DNAJC30: variants seen among roughly 807,000 people sequenced by gnomAD.
The protein encoded by DNAJC30 is dnaJ homolog subfamily C member 30, mitochondrial.
In DNAJC30, 16 loss-of-function variants were observed where a neutral mutation model predicts 15.4. The ratio of observed to expected loss-of-function variants is 1.04; its 90% CI spans 0.70 to 1.58. The LOEUF is 1.58. Among genes scored for constraint, DNAJC30 ranks in the 40% most tolerant of loss-of-function variants. The pLI is 0.00. For missense variants in DNAJC30, 352 were observed against 320.9 expected (o/e 1.10, Z -0.74); for synonymous variants, 161 against 140.2 (o/e 1.15, Z -1.05).
In DNAJC30 at chr7:73,682,764, G is replaced by A. The variant is rs1797750208; in HGVS notation, c.660C>T (p.Ile220=). The part of the protein sequence containing the change: ...AAIFLIFSIF[I]IIGFYI The stretch of plus-strand genomic sequence containing the variant: ...CCGATTAAATATAAAAGCCGATGAT[G>A]ATGAAGATTGAAAAGATGAGGAAAA... The change falls in exon 1 of 1, where the codon ATC becomes ATT. Residue 220 remains isoleucine (I), a synonymous_variant. Coordinates refer to ENST00000395176, the MANE Select transcript of DNAJC30 (RefSeq NM_032317.3). The A allele has an allele frequency of 6.2e-7, 1 of 1,608,394 alleles. No individual in the cohort carries two copies. The highest frequency in any genetic ancestry group is 1.1e-5 in the South Asian group (1 of 90,986).
At position 73,683,441 on chromosome 7, in the gene DNAJC30, G is replaced by A. The variant is rs1554611897; in HGVS notation, c.-18C>T. Reference sequence around the variant, plus strand: ...GCTGCCATGTTGAATTGATTCGGCAGGCGGTGCAAGAGAAACCGGCCAATG... The same window carrying A: ...GCTGCCATGTTGAATTGATTCGGCAAGCGGTGCAAGAGAAACCGGCCAATG... On this transcript the variant is annotated 5_prime_UTR_variant, in exon 1 of 1. Transcript: ENST00000395176. 1 of 1,608,752 alleles carries A rather than the reference G, an allele frequency of 6.2e-7. No individual in the cohort carries two copies. Among genetic ancestry groups the A allele is most frequent in the Non-Finnish European group, 8.5e-7 (1 of 1,177,562 alleles).
Position 73,683,108 on chromosome 7 carries a change from G to C in DNAJC30, c.316C>G (p.Leu106Val), listed in dbSNP as rs138711754. ...AGGCCGCGATCATACTTGCGACGGA[G>C]GGTGGCACTGCCCAGCACCACGTAG... ...QAYVVLGSATLRRKYDRGLLS... is the reference protein window; with the variant it reads ...QAYVVLGSATVRRKYDRGLLS... Residue 106 changes from leucine to valine, a missense_variant, in exon 1 of 1, where the codon CTC (leucine) becomes GTC (valine). By Grantham distance (32) the Leu-to-Val change is conservative. Transcript: ENST00000395176. 1.9e-6 allele frequency: 3 copies of C among 1,612,370 alleles called. No individual in the cohort carries two copies. Among genetic ancestry groups the C allele is most frequent in the African/African-American group, 1.3e-5 (1 of 74,920 alleles).
In DNAJC30 at chr7:73,683,310, A is replaced by G. The variant is rs782527115; in HGVS notation, c.114T>C (p.Tyr38=). The G allele has an allele frequency of 1.2e-6, 2 of 1,613,906 alleles. No homozygotes were observed. The highest frequency in any genetic ancestry group is 1.7e-5 in the Admixed American group (1 of 60,032). The change falls in exon 1 of 1, where the codon TAT becomes TAC. Residue 38 remains tyrosine, a synonymous_variant. Coordinates refer to ENST00000395176, the MANE Select transcript of DNAJC30 (RefSeq NM_032317.3). The part of the protein sequence containing the change: ...APSLGLGART[Y]SQGDCSYSRT... ...GCGAATACGAGCAGTCGCCCTGGGA[A>G]TAAGTCCTCGCTCCTAGGCCCAGGC...
Position 73,682,987 on chromosome 7 carries a change from C to G in DNAJC30, c.437G>C (p.Arg146Pro). 6.3e-7 allele frequency: 1 copy of G among 1,599,154 alleles called. No individual in the cohort carries two copies. The highest frequency in any genetic ancestry group is 8.5e-7 in the Non-Finnish European group (1 of 1,170,736). ...GGAGGCCCGAGAACCGTCGTGGGTC[C>G]GAGAGGTGGGCGGCGGGGTACGCGG... ...GSPRTPPPTS[R>P]THDGSRASPG... Residue 146 changes from arginine to proline, a missense_variant, in exon 1 of 1, where the codon CGG becomes CCG. Physicochemically the swap from Arg to Pro is moderately radical, Grantham distance 103. Transcript: ENST00000395176.
rs1797708405 is a variant in DNAJC30, at chr7:73,681,430, A to G, written c.*1313T>C. ...AAGCCCCAAAATTTACCCCAGCCTC[A>G]AGCAGCCTTGTTTAAAAAATTAAGG... On this transcript the variant is annotated 3_prime_UTR_variant, in exon 1 of 1. Coordinates refer to ENST00000395176, the MANE Select transcript of DNAJC30 (RefSeq NM_032317.3). The G allele has an allele frequency of 6.6e-6, 1 of 152,256 alleles. No individual in the cohort carries two copies. Among genetic ancestry groups the G allele is most frequent in the South Asian group, 2.1e-4 (1 of 4,826 alleles). The allele number at this position is 152,256 out of a possible 1,614,324, so 9.4% of individuals were successfully genotyped here.
chr7:73,682,730 C>T lies in DNAJC30; in HGVS notation c.*13G>A. 1 of 1,593,700 alleles carries T rather than the reference C, an allele frequency of 6.3e-7. No homozygotes were observed. The highest frequency in any genetic ancestry group is 8.6e-7 in the Non-Finnish European group (1 of 1,167,314). On this transcript the variant is annotated 3_prime_UTR_variant, in exon 1 of 1. Transcript: ENST00000395176. Reference sequence around the variant, plus strand: ...GGTTGGCTGGGGACACTCCCCTTCCCTTCTCTCTCCGATTAAATATAAAAG... The same window carrying T: ...GGTTGGCTGGGGACACTCCCCTTCCTTTCTCTCTCCGATTAAATATAAAAG...
rs782286532 is a variant in DNAJC30, at chr7:73,683,076, G to A, written c.348C>T (p.Ser116=). The A allele has an allele frequency of 6.2e-7, 1 of 1,606,124 alleles. No individual in the cohort carries two copies. Residue 116 remains serine, a synonymous_variant, in exon 1 of 1, where the codon AGC becomes AGT. Transcript: ENST00000395176. ...CGCCAGGTCCGCGCAGGTCCTCGTC[G>A]CTGAGTAGGCCGCGATCATACTTGC... The part of the protein sequence containing the change: ...LRRKYDRGLL[S]DEDLRGPGVR...
chr7:73,681,663 T>G lies in DNAJC30; in HGVS notation c.*1080A>C, dbSNP rs1797713220. On this transcript the variant is annotated 3_prime_UTR_variant, in exon 1 of 1. Coordinates refer to ENST00000395176, the MANE Select transcript of DNAJC30 (RefSeq NM_032317.3). ...CTGTAATCCCTGTGGATTAGAACTATGGATAATAGGGCCGGGAGCAGTGGC... is the reference window on the plus strand; with the variant it reads ...CTGTAATCCCTGTGGATTAGAACTAGGGATAATAGGGCCGGGAGCAGTGGC... The G allele has an allele frequency of 6.6e-6, 1 of 152,224 alleles. No homozygotes were observed. The highest frequency in any genetic ancestry group is 1.5e-5 in the Non-Finnish European group (1 of 68,042). 9.4% of individuals were successfully genotyped at this position (152,224 alleles called of 1,614,324 possible).
rs1797779364 is a variant in DNAJC30 at position 73,683,297 on chromosome 7, A to G, written c.127T>C (p.Cys43Arg). Residue 43 changes from cysteine to arginine, a missense_variant, in exon 1 of 1, where the codon TGC becomes CGC. Coordinates refer to ENST00000395176, the MANE Select transcript of DNAJC30 (RefSeq NM_032317.3). Reference protein sequence around the residue: ...LGARTYSQGDCSYSRTALYDL... With the variant: ...LGARTYSQGDRSYSRTALYDL... ...TACAGCGCCGTGCGCGAATACGAGC[A>G]GTCGCCCTGGGAATAAGTCCTCGCT... The G allele has an allele frequency of 6.2e-7, 1 of 1,613,988 alleles. No homozygotes were observed.
rs782533339 is a variant in DNAJC30, at chr7:73,682,970, G to T, written c.454C>A (p.Arg152=). The T allele has an allele frequency of 5.0e-6, 8 of 1,606,666 alleles. No individual in the cohort carries two copies. The highest frequency in any genetic ancestry group is 6.8e-6 in the Non-Finnish European group (8 of 1,175,364). ...PPTSRTHDGS[R]ASPGANRTMF... Reference sequence around the variant, plus strand: ...GTGCGGTTGGCGCCGGGGGAGGCCCGAGAACCGTCGTGGGTCCGAGAGGTG... The same window carrying T: ...GTGCGGTTGGCGCCGGGGGAGGCCCTAGAACCGTCGTGGGTCCGAGAGGTG... Residue 152 remains arginine (R), a synonymous_variant, in exon 1 of 1, where the codon CGG becomes AGG. Coordinates refer to ENST00000395176, the MANE Select transcript of DNAJC30 (RefSeq NM_032317.3).
chr7:73,683,051 C>T lies in DNAJC30; in HGVS notation c.373G>A (p.Val125Ile). Residue 125 changes from valine (V) to isoleucine (I), a missense_variant, in exon 1 of 1, where the codon GTC (valine) becomes ATC (isoleucine). Val to Ile is a conservative substitution (Grantham distance 29, BLOSUM62 3). Coordinates refer to ENST00000395176, the MANE Select transcript of DNAJC30 (RefSeq NM_032317.3). ...GGTGCGGGCGTCCTGGAGGGCCGGA[C>T]GCCAGGTCCGCGCAGGTCCTCGTCG... ...LSDEDLRGPG[V>I]RPSRTPAPDP... is the part of the protein sequence containing the mutation. The T allele has an allele frequency of 6.3e-7, 1 of 1,594,020 alleles. No homozygotes were observed. The highest frequency in any genetic ancestry group is 8.6e-7 in the Non-Finnish European group (1 of 1,167,996).
rs782689807 is a variant in DNAJC30 at position 73,682,967 on chromosome 7, C to A, written c.457G>T (p.Ala153Ser). The A allele has an allele frequency of 4.4e-5, 71 of 1,606,882 alleles. No individual in the cohort carries two copies. The highest frequency in any genetic ancestry group is 5.7e-5 in the Non-Finnish European group (67 of 1,175,450). Residue 153 changes from alanine (A) to serine (S), a missense_variant, in exon 1 of 1, where the codon GCC (alanine) becomes TCC (serine). By Grantham distance (99) the Ala-to-Ser change is moderately conservative. Coordinates refer to ENST00000395176, the MANE Select transcript of DNAJC30 (RefSeq NM_032317.3). ...PTSRTHDGSR[A>S]SPGANRTMFN... ...ATCGTGCGGTTGGCGCCGGGGGAGGCCCGAGAACCGTCGTGGGTCCGAGAG... is the reference window on the plus strand; with the variant it reads ...ATCGTGCGGTTGGCGCCGGGGGAGGACCGAGAACCGTCGTGGGTCCGAGAG...
In DNAJC30 at chr7:73,682,977, G is replaced by C. The variant is rs782544618; in HGVS notation, c.447C>G (p.Asp149Glu). The C allele has an allele frequency of 3.7e-5, 60 of 1,604,208 alleles. No individual in the cohort carries two copies. The highest frequency in any genetic ancestry group is 4.9e-5 in the Non-Finnish European group (57 of 1,173,740). The change falls in exon 1 of 1, where the codon GAC (aspartate) becomes GAG (glutamate). Residue 149 changes from aspartate to glutamate, a missense_variant. Coordinates refer to ENST00000395176, the MANE Select transcript of DNAJC30 (RefSeq NM_032317.3). ...RTPPPTSRTH[D>E]GSRASPGANR... ...TGGCGCCGGGGGAGGCCCGAGAACC[G>C]TCGTGGGTCCGAGAGGTGGGCGGCG...
chr7:73,682,611 G>T lies in DNAJC30; in HGVS notation c.*132C>A. The T allele has an allele frequency of 8.8e-7, 1 of 1,138,922 alleles. No individual in the cohort carries two copies. The allele number at this position is 1,138,922 out of a possible 1,614,324, so 70.6% of individuals were successfully genotyped here. A position where few individuals can be genotyped will look rare whatever the true frequency, so the allele number is the denominator to read the frequency against. ...CATCGGCTAAGCTGGGCGGGTCGGGGAGGGCAGGGGGAGTACAGTTCCTTC... is the reference window on the plus strand; with the variant it reads ...CATCGGCTAAGCTGGGCGGGTCGGGTAGGGCAGGGGGAGTACAGTTCCTTC... On this transcript the variant is annotated 3_prime_UTR_variant, in exon 1 of 1. Coordinates refer to ENST00000395176, the MANE Select transcript of DNAJC30 (RefSeq NM_032317.3).
Position 73,683,178 on chromosome 7 carries a change from G to C in DNAJC30, c.246C>G (p.Ser82=), listed in dbSNP as rs782375282. ...QCFLYHPDRN[S]GSAEAAERFT... ...AGCGCTCGGCGGCCTCCGCGCTCCCGGAGTTGCGGTCCGGGTGGTAGAGAA... is the reference window on the plus strand; with the variant it reads ...AGCGCTCGGCGGCCTCCGCGCTCCCCGAGTTGCGGTCCGGGTGGTAGAGAA... The change falls in exon 1 of 1, where the codon TCC becomes TCG. Residue 82 remains serine (S), a synonymous_variant. Transcript: ENST00000395176. 8 of 1,614,092 alleles carry C rather than the reference G, an allele frequency of 5.0e-6. No individual in the cohort carries two copies. The Middle Eastern group carries it at 8.2e-4, about 166-fold the overall frequency.
In DNAJC30 at chr7:73,683,430, T is replaced by C; in HGVS notation, c.-7A>G. The C allele has an allele frequency of 6.2e-7, 1 of 1,609,956 alleles. No individual in the cohort carries two copies. The highest frequency in any genetic ancestry group is 8.5e-7 in the Non-Finnish European group (1 of 1,178,028). On this transcript the variant is annotated 5_prime_UTR_variant, in exon 1 of 1. Transcript: ENST00000395176. ...GCCAGCGCATGGCTGCCATGTTGAA[T>C]TGATTCGGCAGGCGGTGCAAGAGAA...
In DNAJC30 at chr7:73,682,814, C is replaced by T; in HGVS notation, c.610G>A (p.Glu204Lys). 6.2e-7 allele frequency: 1 copy of T among 1,614,138 alleles called. No individual in the cohort carries two copies. The highest frequency in any genetic ancestry group is 8.5e-7 in the Non-Finnish European group (1 of 1,180,004). ...EYRSMKGLRWEDTRDTAAIFL... is the reference protein window; with the variant it reads ...EYRSMKGLRWKDTRDTAAIFL... ...ATGGCAGCCGTGTCTCGGGTATCCT[C>T]CCAGCGGAGGCCTTTCATGGACCGA... Residue 204 changes from glutamate to lysine, a missense_variant, in exon 1 of 1, where the codon GAG (glutamate) becomes AAG (lysine). Transcript: ENST00000395176.
rs372858734 is a variant in DNAJC30 at position 73,682,872 on chromosome 7, G to C, written c.552C>G (p.Ala184=). The part of the protein sequence containing the change: ...EQLERERRLR[A]RREALRKRQE... ...GCCGTTTGCGAAGGGCCTCCCGCCG[G>C]GCCCTCAGGCGCCGTTCCCGCTCCA... Residue 184 remains alanine, a synonymous_variant, in exon 1 of 1, where the codon GCC becomes GCG. Coordinates refer to ENST00000395176, the MANE Select transcript of DNAJC30 (RefSeq NM_032317.3). 7 of 1,613,990 alleles carry C rather than the reference G, an allele frequency of 4.3e-6. No individual in the cohort carries two copies. The highest frequency in any genetic ancestry group is 5.9e-6 in the Non-Finnish European group (7 of 1,180,050).
In DNAJC30 at chr7:73,682,870, C is replaced by A. The variant is rs782325183; in HGVS notation, c.554G>T (p.Arg185Leu). The part of the protein sequence containing the change: ...QLERERRLRA[R>L]REALRKRQEY... ...CTGCCGTTTGCGAAGGGCCTCCCGC[C>A]GGGCCCTCAGGCGCCGTTCCCGCTC... Residue 185 changes from arginine (R) to leucine (L), a missense_variant, in exon 1 of 1, where the codon CGG (arginine) becomes CTG (leucine). Transcript: ENST00000395176. 4.3e-6 allele frequency: 7 copies of A among 1,614,126 alleles called. No individual in the cohort carries two copies. The highest frequency in any genetic ancestry group is 5.9e-6 in the Non-Finnish European group (7 of 1,180,048).
Sources: allele counts gnomAD v4.1 joint callset, GRCh38; gene constraint gnomAD v4.1.1; transcripts MANE v1.5; gene names NCBI Gene and HGNC (gene_info 2026-07-23, HGNC 2026-07-21).